DOK6: variants seen among roughly 807,000 people sequenced by gnomAD.
DOK6 encodes downstream of tyrosine kinase 6.
A neutral mutation model predicts 44.0 loss-of-function variants in DOK6; 22 were observed. The ratio of observed to expected loss-of-function variants is 0.50; its 90% CI spans 0.36 to 0.71. The LOEUF (loss-of-function observed/expected upper bound fraction) is 0.71. Ranked by LOEUF, DOK6 falls within the 30% of genes least tolerant of loss-of-function variation. The pLI is 0.00. For synonymous variants in DOK6, 166 were observed against 145.5 expected, an observed-to-expected ratio of 1.14 and a Z score of -1.01; for missense variants, 340 against 416.4, an observed-to-expected ratio of 0.82 and a Z score of 1.60.
chr18:69,457,527 G>T (rs989366270), intron 1 of DOK6, among the ~76,000 whole-genome samples: 1 of 152,090 alleles, frequency 6.6e-6, no homozygotes, highest in African/African-American at 2.4e-5. Flanking sequence ...TGCTGTTTTG[G>T]TTACTCTAGT....
intron 7 of DOK6, among the ~76,000 whole-genome samples, chr18:69,759,789 A>G (rs1367474741): frequency 6.6e-6 from 1 of 152,220 alleles, no homozygotes; most frequent in Non-Finnish European, 1.5e-5. Context: ...AAGGCTTGAC[A>G]TGCCTTTTCA....
chr18:69,783,308 G>A (rs1397017436), intron 7 of DOK6, among the ~76,000 whole-genome samples: 1 of 152,176 alleles, frequency 6.6e-6, no homozygotes, highest in Non-Finnish European at 1.5e-5. Flanking sequence ...TATACTATAA[G>A]AGAGATACAC....
At chr18:69,565,497 GTGTGTGTGTGTGTGTGTGTGTGTGTATA>G (rs1165398300) in intron 2 of DOK6, among the ~76,000 whole-genome samples, 281 of 12,094 alleles carry the variant, frequency 0.023, no homozygotes, top group Admixed American at 0.038. Context: ...GTGTGTGTGT[GTGTGTGTGTGTGTGTGTGTGTGTGTATA>G]TATATATACA....
chr18:69,514,150 T>C (rs1314977364), intron 1 of DOK6, among the ~76,000 whole-genome samples: 2 of 152,134 alleles, frequency 1.3e-5, no homozygotes, highest in East Asian at 1.9e-4. Flanking sequence ...GTGTAAATAC[T>C]TGAAGCCTGT....
chr18:69,547,713 C>T (rs1982444064), intron 1 of DOK6, among the ~76,000 whole-genome samples: 1 of 150,916 alleles, frequency 6.6e-6, no homozygotes, highest in South Asian at 2.1e-4. Context: ...CTCATCCATA[C>T]ACCCTTCTTA....
intron 3 of DOK6, among the ~76,000 whole-genome samples, chr18:69,646,756 C>T (rs1599239364): frequency 6.6e-6 from 1 of 152,138 alleles, no homozygotes; most frequent in East Asian, 1.9e-4. Context: ...CACGACCAGG[C>T]CCCTCCTGGT....
intron 2 of DOK6, among the ~76,000 whole-genome samples, chr18:69,587,778 C>CACACACACAG (rs1983539043): frequency 6.6e-6 from 1 of 151,676 alleles, no homozygotes; most frequent in Admixed American, 6.6e-5. Flanking sequence ...TAAACACACA[C>CACACACACAG]ACACACACAC....
chr18:69,718,103 G>C (rs955712818), intron 5 of DOK6, among the ~76,000 whole-genome samples: 2 of 152,176 alleles, frequency 1.3e-5, no homozygotes, highest in Non-Finnish European at 2.9e-5. Flanking sequence ...CAGCTGATGA[G>C]GACAGCAACA....
chr18:69,410,494 A>C (rs1290518522), intron 1 of DOK6, among the ~76,000 whole-genome samples: 2 of 152,228 alleles, frequency 1.3e-5, no homozygotes, highest in Non-Finnish European at 2.9e-5. Context: ...CTGAAATATA[A>C]AGTTAATTAT....
At chr18:69,579,247 A>T (rs35686905) in intron 2 of DOK6, among the ~76,000 whole-genome samples, 27,322 of 152,182 alleles carry the variant, frequency 0.18, 2,998 homozygotes, top group Middle Eastern at 0.34. Flanking sequence ...CTTATTTGGA[A>T]GTGGAGAGAG....
At chr18:69,475,863 A>G (rs1980246030) in intron 1 of DOK6, among the ~76,000 whole-genome samples, 1 of 152,150 alleles carries the variant, frequency 6.6e-6, no homozygotes, top group African/African-American at 2.4e-5. Context: ...TATCATAGCT[A>G]TTGAATGTTT....
intron 1 of DOK6, among the ~76,000 whole-genome samples, chr18:69,502,618 T>G (rs1981076982): frequency 6.6e-6 from 1 of 152,074 alleles, no homozygotes; most frequent in Non-Finnish European, 1.5e-5. Context: ...GGTGGTTACT[T>G]TAAGCTACAA....
intron 3 of DOK6, among the ~76,000 whole-genome samples, chr18:69,659,631 C>T (rs903696971): frequency 2.2e-4 from 34 of 152,104 alleles, no homozygotes; most frequent in Non-Finnish European, 3.8e-4. Flanking sequence ...GGAGAGAAGA[C>T]ACACAGTGTT....
At chr18:69,725,652 C>T (rs1978303022) in intron 5 of DOK6, among the ~76,000 whole-genome samples, 3 of 151,900 alleles carry the variant, frequency 2.0e-5, no homozygotes, top group Admixed American at 1.3e-4. Context: ...CACATCCAGC[C>T]AATTTTTGTA....
At chr18:69,754,122 T>C (rs1229550502) in intron 6 of DOK6, among the ~76,000 whole-genome samples, 2 of 152,164 alleles carry the variant, frequency 1.3e-5, no homozygotes, top group Non-Finnish European at 2.9e-5. Context: ...CTTAATGCTT[T>C]TAATTGAAGC....
At chr18:69,709,365 A>C (rs1284721040) in intron 5 of DOK6, among the ~76,000 whole-genome samples, 5 of 152,162 alleles carry the variant, frequency 3.3e-5, no homozygotes, top group East Asian at 3.8e-4. Context: ...AGATTAACTT[A>C]TCCTTGACAC....
rs1450206951 is a variant in DOK6 at position 69,414,519 on chromosome 18, T to G, written c.66+13209T>G. Among the ~76,000 whole-genome samples the G allele has an allele frequency of 3.9e-5, 6 of 152,006 alleles. No individual in the cohort carries two copies. The South Asian group carries it at 1.2e-3, about 32-fold the overall frequency. On this transcript the variant is annotated intron_variant, in intron 1 of 7. Coordinates refer to ENST00000382713, the MANE Select transcript of DOK6 (RefSeq NM_152721.6). ...CATTCTATTAACATTCTTAAAATAATAAATTATAAAAATGAAGAACAGGTT... is the reference window on the plus strand; with the variant it reads ...CATTCTATTAACATTCTTAAAATAAGAAATTATAAAAATGAAGAACAGGTT...
chr18:69,466,018 G>C (rs375699085), intron 1 of DOK6, among the ~76,000 whole-genome samples: 1 of 151,842 alleles, frequency 6.6e-6, no homozygotes, highest in East Asian at 1.9e-4. Context: ...TACTTTTTTT[G>C]TTGTGAGAAC....
At chr18:69,736,719 CAT>C (rs1411248961) in intron 5 of DOK6, among the ~76,000 whole-genome samples, 1 of 152,150 alleles carries the variant, frequency 6.6e-6, no homozygotes, top group African/African-American at 2.4e-5. Flanking sequence ...CCCTTTTTGA[CAT>C]ATTTATTTAT....
Sources: gnomAD v4.1 joint callset for allele counts (sites outside exome capture counted in the v4.1 genomes callset) on GRCh38, gnomAD v4.1.1 for gene constraint, MANE v1.5 for transcripts, NCBI Gene and HGNC (gene_info 2026-07-23, HGNC 2026-07-21) for gene names.